Variants in MAP3K4 observed in about 807,000 individuals in gnomAD.
MAP3K4 encodes the protein mitogen-activated protein kinase kinase kinase 4, also known as MAP three kinase 1.
Under a neutral mutation model 185.6 loss-of-function variants are expected in MAP3K4, and 67 were observed. The ratio of observed to expected loss-of-function variants is 0.36; its 90% CI spans 0.30 to 0.44. MAP3K4 has a LOEUF of 0.44. MAP3K4 is among the 20% of genes least tolerant of loss of function. The pLI is 1.00. For synonymous variants in MAP3K4, 702 were observed against 710.4 expected, an observed-to-expected ratio of 0.99 and a Z score of 0.19; for missense variants, 1,551 against 1,995.1, an observed-to-expected ratio of 0.78 and a Z score of 4.24.
At chr6:161,089,581 C>A in intron 11 of MAP3K4, 110 bp downstream of exon 11, 1 of 1,099,526 alleles carries the variant, frequency 9.1e-7, no homozygotes, top group Non-Finnish European at 1.3e-6. Flanking sequence ...TCCTGAATTG[C>A]CTGCCCACTC....
intron 1 of MAP3K4, among the ~76,000 whole-genome samples, chr6:161,019,494 G>A (rs945862922): frequency 6.6e-6 from 1 of 152,078 alleles, no homozygotes; most frequent in African/African-American, 2.4e-5. Flanking sequence ...TGCAACCTCC[G>A]CCTCCCAGTT....
chr6:161,054,125 C>T lies in MAP3K4; in HGVS notation c.1707+4146C>T, dbSNP rs1352851429. ...TGTTTGCAAAGCACATGTGATCTTA[C>T]ATTTAATTTCCCTTTGTAAGCATGC... On this transcript the variant is annotated intron_variant, in intron 3 of 26. Transcript: ENST00000392142. The surrounding 1 kb of genome is among the most constrained non-coding windows in gnomAD (Gnocchi z 4.2). Among the ~76,000 whole-genome samples the T allele has an allele frequency of 6.6e-6, 1 of 152,156 alleles. No individual in the cohort carries two copies. Among genetic ancestry groups the T allele is most frequent in the African/African-American group, 2.4e-5 (1 of 41,432 alleles).
Position 161,054,399 on chromosome 6 carries a change from C to T in MAP3K4, c.1707+4420C>T, listed in dbSNP as rs1242936727. Among the ~76,000 whole-genome samples the T allele has an allele frequency of 1.3e-5, 2 of 152,204 alleles. No homozygotes were observed. The highest frequency in any genetic ancestry group is 4.8e-5 in the African/African-American group (2 of 41,444). On this transcript the variant is annotated intron_variant, in intron 3 of 26. Coordinates refer to ENST00000392142, the MANE Select transcript of MAP3K4 (RefSeq NM_005922.4). This position sits in a 1 kb window ranked among gnomAD's most constrained non-coding sequence, Gnocchi z 4.2. ...CAAACTCCTGACCTCACATGATCCA[C>T]CCGCCTTGGCCTCCCAAAGTGCTGG...
intron 2 of MAP3K4, among the ~76,000 whole-genome samples, chr6:161,044,061 C>T (rs1411091862): frequency 6.6e-6 from 1 of 152,090 alleles, no homozygotes; most frequent in Non-Finnish European, 1.5e-5. Flanking sequence ...CTTTCAGTTT[C>T]ATTATAAAGT....
chr6:161,062,842 G>A (rs1000313210), intron 3 of MAP3K4, among the ~76,000 whole-genome samples: 7 of 151,972 alleles, frequency 4.6e-5, no homozygotes, highest in Non-Finnish European at 8.8e-5. Flanking sequence ...TCAGATACAT[G>A]GTGTACACTT....
rs1181763156 is a variant in MAP3K4 at position 161,102,099 on chromosome 6, T to C, written c.3775+107T>C. The stretch of plus-strand genomic sequence containing the variant: ...TTATGAGGATTCCTTGAAGATTCCT[T>C]TTTTTGGTCCTTTCTAAAGGAATGA... On this transcript the variant is annotated intron_variant, in intron 18 of 26. Coordinates refer to ENST00000392142, the MANE Select transcript of MAP3K4 (RefSeq NM_005922.4). 3 of 841,992 alleles carry C rather than the reference T, an allele frequency of 3.6e-6. No individual in the cohort carries two copies. The East Asian group carries it at 7.8e-5, about 22-fold the overall frequency. 52.2% of individuals were successfully genotyped at this position (841,992 alleles called of 1,614,324 possible). A position where few individuals can be genotyped will look rare whatever the true frequency, so the allele number is the denominator to read the frequency against.
chr6:160,997,530 G>T (rs898384953), intron 1 of MAP3K4, among the ~76,000 whole-genome samples: 1 of 152,194 alleles, frequency 6.6e-6, no homozygotes, highest in African/African-American at 2.4e-5. Flanking sequence ...TGGTACCTGA[G>T]TAGCTCTTCT....
In MAP3K4 at chr6:161,093,295, A is replaced by G. The variant is rs983441151; in HGVS notation, c.3348+239A>G. Among the ~76,000 whole-genome samples the G allele has an allele frequency of 6.6e-6, 1 of 152,140 alleles. No individual in the cohort carries two copies. Among genetic ancestry groups the G allele is most frequent in the African/African-American group, 2.4e-5 (1 of 41,408 alleles). On this transcript the variant is annotated intron_variant, in intron 14 of 26. Coordinates refer to ENST00000392142, the MANE Select transcript of MAP3K4 (RefSeq NM_005922.4). This position sits in a 1 kb window ranked among gnomAD's most constrained non-coding sequence, Gnocchi z 5.2. ...CTGGTTTGTAAACCCTGGCCCTTCT[A>G]AAATATTTGTGAGATTTATATTTTT...
Position 161,073,357 on chromosome 6 carries a change from G to T in MAP3K4, c.1951-109G>T. On this transcript the variant is annotated intron_variant, in intron 4 of 26. Transcript: ENST00000392142. This position sits in a 1 kb window ranked among gnomAD's most constrained non-coding sequence, Gnocchi z 4.2. ...TCTAGAAACTATTGTAGGTTTTTTA[G>T]AGGCAAGGTTCCCTCTGAGTTTTTT... The T allele has an allele frequency of 1.9e-6, 2 of 1,075,408 alleles. No homozygotes were observed. The highest frequency in any genetic ancestry group is 2.1e-5 in the South Asian group (1 of 48,014). 66.6% of individuals were successfully genotyped at this position (1,075,408 alleles called of 1,614,324 possible).
In MAP3K4 at chr6:161,048,444, T is replaced by C. The variant is rs1238469895; in HGVS notation, c.344-172T>C. On this transcript the variant is annotated intron_variant, in intron 2 of 26. Coordinates refer to ENST00000392142, the MANE Select transcript of MAP3K4 (RefSeq NM_005922.4). This position sits in a 1 kb window ranked among gnomAD's most constrained non-coding sequence, Gnocchi z 4.7. ...ATAATTTTTTTTAAAATATAGAAAA[T>C]GTCATATATATTTTTTGATTCCTTT... Among the ~76,000 whole-genome samples, 1 of 152,092 alleles carries C rather than the reference T, an allele frequency of 6.6e-6. No individual in the cohort carries two copies. Among genetic ancestry groups the C allele is most frequent in the Admixed American group, 6.6e-5 (1 of 15,266 alleles).
intron 1 of MAP3K4, among the ~76,000 whole-genome samples, chr6:161,027,121 C>T (rs187831578): frequency 1.2e-3 from 180 of 152,200 alleles, no homozygotes; most frequent in Admixed American, 2.2e-3. Flanking sequence ...AGACCTGGTC[C>T]TATTCATTTC....
At chr6:161,009,371 T>A (rs1190514462) in intron 1 of MAP3K4, among the ~76,000 whole-genome samples, 1 of 152,190 alleles carries the variant, frequency 6.6e-6, no homozygotes, top group Admixed American at 6.5e-5. Flanking sequence ...GCTCTTTTTA[T>A]CTTGCAAAAC....
chr6:161,032,554 C>T (rs1208539600), intron 1 of MAP3K4, among the ~76,000 whole-genome samples: 5 of 152,162 alleles, frequency 3.3e-5, no homozygotes, highest in African/African-American at 9.7e-5. Flanking sequence ...AGGATTTAAA[C>T]GTGGGTCTAC....
At position 161,049,196 on chromosome 6, in the gene MAP3K4, C is replaced by T. The variant is rs758114269; in HGVS notation, c.924C>T (p.Phe308=). The T allele has an allele frequency of 4.3e-6, 7 of 1,613,962 alleles. No individual in the cohort carries two copies. Among genetic ancestry groups the T allele is most frequent in the East Asian group, 2.2e-5 (1 of 44,882 alleles). ...CTTTCAAAGTCGACTATGGGAGCTT[C>T]GCCTTTGTTAGAGATAGAGCTGGTT... ...ILTFKVDYGS[F]AFVRDRAGFN... Residue 308 remains phenylalanine (F), a synonymous_variant, in exon 3 of 27, where the codon TTC becomes TTT. Coordinates refer to ENST00000392142, the MANE Select transcript of MAP3K4 (RefSeq NM_005922.4). This position sits in a 1 kb window ranked among gnomAD's most constrained non-coding sequence, Gnocchi z 8.4.
Position 161,098,248 on chromosome 6 carries a change from G to A in MAP3K4, c.3525-30G>A, listed in dbSNP as rs1275346354. 1 of 1,595,642 alleles carries A rather than the reference G, an allele frequency of 6.3e-7. No homozygotes were observed. Among genetic ancestry groups the A allele is most frequent in the African/African-American group, 1.3e-5 (1 of 74,342 alleles). On this transcript the variant is annotated intron_variant, in intron 16 of 26. Coordinates refer to ENST00000392142, the MANE Select transcript of MAP3K4 (RefSeq NM_005922.4). This position sits in a 1 kb window ranked among gnomAD's most constrained non-coding sequence, Gnocchi z 4.4. The stretch of plus-strand genomic sequence containing the variant: ...TCAAGTCCGTTCCCTCTTCTCACAT[G>A]TGTTCCTGAAGCTTTTCTTCTTGTC...
chr6:161,029,893 A>G (rs1782842021), intron 1 of MAP3K4, among the ~76,000 whole-genome samples: 1 of 151,596 alleles, frequency 6.6e-6, no homozygotes, highest in Non-Finnish European at 1.5e-5. Flanking sequence ...ACTTTGCTTG[A>G]TTTCTTTCCC....
chr6:161,088,503 G>A lies in MAP3K4; in HGVS notation c.2823+549G>A, dbSNP rs1256328565. Among the ~76,000 whole-genome samples, 2 of 152,076 alleles carry A rather than the reference G, an allele frequency of 1.3e-5. No individual in the cohort carries two copies. The highest frequency in any genetic ancestry group is 2.9e-5 in the Non-Finnish European group (2 of 68,032). On this transcript the variant is annotated intron_variant, in intron 10 of 26. Coordinates refer to ENST00000392142, the MANE Select transcript of MAP3K4 (RefSeq NM_005922.4). This position sits in a 1 kb window ranked among gnomAD's most constrained non-coding sequence, Gnocchi z 4.5. ...CCTCACCAGAACTGAGTATACACTG[G>A]CCTGCTGTATCCCTCACCCCAACAA...
chr6:161,111,740 G>T (rs1333032367), intron 23 of MAP3K4, 96 bp from the exon 24 acceptor site: 5 of 1,188,862 alleles, frequency 4.2e-6, no homozygotes, highest in Non-Finnish European at 6.0e-6. Context: ...CGATTGTTTA[G>T]CTTGTGAATG....
At chr6:161,015,797 A>G (rs532703641) in intron 1 of MAP3K4, among the ~76,000 whole-genome samples, 7 of 152,280 alleles carry the variant, frequency 4.6e-5, no homozygotes, top group Non-Finnish European at 8.8e-5. Context: ...GGCTGGCACC[A>G]AGTCATTCAT....
Sources: gnomAD v4.1 joint callset for allele counts (sites outside exome capture counted in the v4.1 genomes callset) on GRCh38, gnomAD v4.1.1 for gene constraint, Gnocchi (gnomAD v3.1) non-coding constraint, MANE v1.5 for transcripts, NCBI Gene and HGNC (gene_info 2026-07-23, HGNC 2026-07-21) for gene names.